Variants in BCAS3 observed in about 807,000 individuals in gnomAD.
BCAS3 encodes the protein BCAS3 microtubule associated cell migration factor.
In BCAS3, 53 loss-of-function variants were observed where a neutral mutation model predicts 116.1. That is an observed-to-expected ratio of 0.46 (90% CI 0.37 to 0.57). The LOEUF (loss-of-function observed/expected upper bound fraction) is 0.57. BCAS3 is among the 20% of genes least tolerant of loss of function. The pLI, the probability that BCAS3 is intolerant of heterozygous loss-of-function variation, is 0.00. For synonymous variants in BCAS3, 391 were observed against 408.2 expected, an observed-to-expected ratio of 0.96 and a Z score of 0.51; for missense variants, 917 against 1,165.4, an observed-to-expected ratio of 0.79 and a Z score of 3.10.
rs770926899 is a variant in BCAS3, at chr17:61,256,604, G to A, written c.2426-111723G>A. Among the ~76,000 whole-genome samples, 10 of 151,772 alleles carry A rather than the reference G, an allele frequency of 6.6e-5. No individual in the cohort carries two copies. The highest frequency in any genetic ancestry group is 1.2e-4 in the Non-Finnish European group (8 of 67,796). On this transcript the variant is annotated intron_variant, in intron 22 of 23. Coordinates refer to ENST00000407086, the MANE Select transcript of BCAS3 (RefSeq NM_017679.5). The surrounding 1 kb of genome is among the most constrained non-coding windows in gnomAD (Gnocchi z 5.6). ...CAGGCGTGAGCCACCGCGCCTGGCC[G>A]TTTGGTTTTGTTTAGGTGTCTTTGT...
intron 13 of BCAS3, among the ~76,000 whole-genome samples, chr17:60,930,256 G>T (rs1290161864): frequency 2.6e-5 from 4 of 152,094 alleles, no homozygotes; most frequent in African/African-American, 9.7e-5. Flanking sequence ...TTTTCATGGG[G>T]TATGTAATAT....
intron 6 of BCAS3, among the ~76,000 whole-genome samples, chr17:60,753,295 CCTT>C (rs2042659191): frequency 6.6e-6 from 1 of 151,798 alleles, no homozygotes; most frequent in African/African-American, 2.4e-5. Flanking sequence ...CTAAGAAAAT[CCTT>C]CTGTATTTTA....
At chr17:60,786,394 C>T (rs1434678551) in intron 6 of BCAS3, among the ~76,000 whole-genome samples, 1 of 151,928 alleles carries the variant, frequency 6.6e-6, no homozygotes, top group African/African-American at 2.4e-5. Context: ...TGGTGGTGCA[C>T]ATCTGTAGTC....
intron 22 of BCAS3, among the ~76,000 whole-genome samples, chr17:61,125,709 G>A (rs930724779): frequency 3.9e-5 from 6 of 152,180 alleles, no homozygotes; most frequent in Non-Finnish European, 7.4e-5. Context: ...AGATGGGAAT[G>A]TATAGATACA....
intron 6 of BCAS3, among the ~76,000 whole-genome samples, chr17:60,805,752 T>C (rs1046712324): frequency 8.6e-5 from 13 of 150,532 alleles, no homozygotes; most frequent in Admixed American, 2.7e-4. Context: ...AGCTCGAACC[T>C]GGGAGGCGGA....
chr17:60,991,533 C>G (rs563117599), intron 15 of BCAS3, among the ~76,000 whole-genome samples: 10 of 152,328 alleles, frequency 6.6e-5, no homozygotes, highest in African/African-American at 2.2e-4. Flanking sequence ...TGGAGCATTG[C>G]AGATTTCCCT....
intron 22 of BCAS3, among the ~76,000 whole-genome samples, chr17:61,172,434 C>A (rs1443386469): frequency 2.0e-5 from 3 of 150,998 alleles, no homozygotes; most frequent in African/African-American, 7.3e-5. Flanking sequence ...GAGATCGAGA[C>A]CATCCTGGCT....
chr17:61,207,055 A>T (rs904378940), intron 22 of BCAS3, among the ~76,000 whole-genome samples: 1 of 152,128 alleles, frequency 6.6e-6, no homozygotes, highest in Non-Finnish European at 1.5e-5. Flanking sequence ...TTATTTGAAG[A>T]TGCAATATTA....
intron 15 of BCAS3, among the ~76,000 whole-genome samples, chr17:61,011,962 C>A (rs1042884852): frequency 2.0e-5 from 3 of 151,922 alleles, no homozygotes; most frequent in African/African-American, 7.3e-5. Context: ...GTTATTTATA[C>A]ATTTCTCCTG....
In BCAS3 at chr17:61,226,172, C is replaced by T. The variant is rs1023016266; in HGVS notation, c.2425+141608C>T. 2.0e-5 allele frequency among the ~76,000 whole-genome samples: 3 copies of T among 152,058 alleles called. No individual in the cohort carries two copies. The highest frequency in any genetic ancestry group is 7.2e-5 in the African/African-American group (3 of 41,382). On this transcript the variant is annotated intron_variant, in intron 22 of 23. Transcript: ENST00000407086. The surrounding 1 kb of genome is among the most constrained non-coding windows in gnomAD (Gnocchi z 6.0). ...GTCCAGCCTGGGCAATATAGCAAGA[C>T]CCTAGCTCTAAAAATTAAAAAATTC...
chr17:61,338,607 G>A (rs151175006), intron 22 of BCAS3, among the ~76,000 whole-genome samples: 1 of 152,080 alleles, frequency 6.6e-6, no homozygotes, highest in East Asian at 1.9e-4. Flanking sequence ...ATTGTTTGCC[G>A]AGTGGAGGTA....
At position 60,960,225 on chromosome 17, in the gene BCAS3, C is replaced by T. The variant is rs2061348300; in HGVS notation, c.1221+12873C>T. 6.6e-6 allele frequency among the ~76,000 whole-genome samples: 1 copy of T among 152,132 alleles called. No homozygotes were observed. ...TCCCTACCAACATCCCCAAAAGTCA[C>T]AACCCATTCATTACAGCATCAACTC... On this transcript the variant is annotated intron_variant, in intron 14 of 23. Coordinates refer to ENST00000407086, the MANE Select transcript of BCAS3 (RefSeq NM_017679.5). This position sits in a 1 kb window ranked among gnomAD's most constrained non-coding sequence, Gnocchi z 4.1.
chr17:61,368,519 C>T lies in BCAS3; in HGVS notation c.2593+25C>T. On this transcript the variant is annotated intron_variant, in intron 23 of 23. Coordinates refer to ENST00000407086, the MANE Select transcript of BCAS3 (RefSeq NM_017679.5). The surrounding 1 kb of genome is among the most constrained non-coding windows in gnomAD (Gnocchi z 6.0). ...GGTAAAGGTGTCATCAGACTTCTAG[C>T]CTGATTTGGTCAGGACCAGCACCTG... 1 of 1,576,620 alleles carries T rather than the reference C, an allele frequency of 6.3e-7. No homozygotes were observed. The highest frequency in any genetic ancestry group is 1.1e-5 in the South Asian group (1 of 88,054).
Position 61,095,281 on chromosome 17 carries a change from C to A in BCAS3, c.2425+10717C>A, listed in dbSNP as rs1159445565. Among the ~76,000 whole-genome samples the A allele has an allele frequency of 6.6e-6, 1 of 152,124 alleles. No individual in the cohort carries two copies. The highest frequency in any genetic ancestry group is 2.4e-5 in the African/African-American group (1 of 41,438). On this transcript the variant is annotated intron_variant, in intron 22 of 23. Transcript: ENST00000407086. The surrounding 1 kb of genome is among the most constrained non-coding windows in gnomAD (Gnocchi z 4.7). ...GCTGTTGTCTATTAGAGGATTTTCT[C>A]TTAAAAATGTTACTTTTCTCACTTC...
At position 61,332,081 on chromosome 17, in the gene BCAS3, C is replaced by T. The variant is rs545712046; in HGVS notation, c.2426-36246C>T. 6.6e-6 allele frequency among the ~76,000 whole-genome samples: 1 copy of T among 152,150 alleles called. No individual in the cohort carries two copies. Among genetic ancestry groups the T allele is most frequent in the African/African-American group, 2.4e-5 (1 of 41,420 alleles). ...GGGTCTCGACCTCCCATGAGCAGGG[C>T]GAGGCTGCCTCAGACAAGTGCAGAG... On this transcript the variant is annotated intron_variant, in intron 22 of 23. Transcript: ENST00000407086. The surrounding 1 kb of genome is among the most constrained non-coding windows in gnomAD (Gnocchi z 5.4).
intron 22 of BCAS3, among the ~76,000 whole-genome samples, chr17:61,183,526 G>A (rs1016125192): frequency 6.6e-6 from 1 of 152,136 alleles, no homozygotes; most frequent in Non-Finnish European, 1.5e-5. Context: ...CATGATGTTT[G>A]TTAAGATGTT....
rs1042073671 is a variant in BCAS3 at position 61,249,120 on chromosome 17, T to C, written c.2426-119207T>C. On this transcript the variant is annotated intron_variant, in intron 22 of 23. Coordinates refer to ENST00000407086, the MANE Select transcript of BCAS3 (RefSeq NM_017679.5). This position sits in a 1 kb window ranked among gnomAD's most constrained non-coding sequence, Gnocchi z 6.2. Reference sequence around the variant, plus strand: ...GGCCAACATGGTGAAACCCCATCTCTACTAAAAATACAAAAAATTAGCCGG... The same window carrying C: ...GGCCAACATGGTGAAACCCCATCTCCACTAAAAATACAAAAAATTAGCCGG... Among the ~76,000 whole-genome samples the C allele has an allele frequency of 6.6e-6, 1 of 151,970 alleles. No individual in the cohort carries two copies. The highest frequency in any genetic ancestry group is 6.6e-5 in the Admixed American group (1 of 15,248).
intron 23 of BCAS3, among the ~76,000 whole-genome samples, chr17:61,385,783 A>C (rs985315861): frequency 2.0e-5 from 3 of 152,252 alleles, no homozygotes; most frequent in African/African-American, 7.2e-5. Flanking sequence ...AAATCGATGC[A>C]TGTCAACAGG....
At chr17:60,727,202 C>G in intron 5 of BCAS3, 1 of 916,022 alleles carries the variant, frequency 1.1e-6, no homozygotes. Context: ...CTTCTTATCT[C>G]CTCCCGGTTC....
Sources: gnomAD v4.1 joint callset for allele counts (sites outside exome capture counted in the v4.1 genomes callset) on GRCh38, gnomAD v4.1.1 for gene constraint, Gnocchi (gnomAD v3.1) non-coding constraint, MANE v1.5 for transcripts, NCBI Gene and HGNC (gene_info 2026-07-23, HGNC 2026-07-21) for gene names.